SPECC1L: variants seen among roughly 807,000 people sequenced by gnomAD.
SPECC1L encodes the protein cytospin-A.
A neutral mutation model predicts 116.8 loss-of-function variants in SPECC1L; 40 were observed. That is an observed-to-expected ratio of 0.34 (90% CI 0.27 to 0.45). SPECC1L has a LOEUF of 0.45. SPECC1L is among the 20% of genes least tolerant of loss of function. SPECC1L has a pLI of 1.00. For missense variants in SPECC1L, 1,110 were observed against 1,373.6 expected (o/e 0.81, Z 3.03); for synonymous variants, 504 against 500.6 (o/e 1.01, Z -0.09).
intron 14 of SPECC1L, among the ~76,000 whole-genome samples, chr22:24,397,675 A>G (rs904585292): frequency 1.3e-5 from 2 of 152,176 alleles, no homozygotes; most frequent in Non-Finnish European, 2.9e-5. Context: ...ATCCTTTTTT[A>G]TATAAGTTAT....
intron 7 of SPECC1L, among the ~76,000 whole-genome samples, chr22:24,330,005 C>A (rs1313278668): frequency 6.6e-6 from 1 of 152,120 alleles, no homozygotes; most frequent in Non-Finnish European, 1.5e-5. Flanking sequence ...ATCTGTTGAG[C>A]ACTCTGAGTA....
intron 14 of SPECC1L, among the ~76,000 whole-genome samples, chr22:24,406,231 A>G (rs1233753409): frequency 6.6e-6 from 1 of 152,170 alleles, no homozygotes; most frequent in African/African-American, 2.4e-5. Context: ...GGCTGCTCCC[A>G]GGCTCTTCTG....
Position 24,334,568 on chromosome 22 carries a change from C to T in SPECC1L, c.2555C>T (p.Ser852Phe), listed in dbSNP as rs972937290. 1 of 1,614,110 alleles carries T rather than the reference C, an allele frequency of 6.2e-7. No homozygotes were observed. Residue 852 changes from serine (S) to phenylalanine (F), a missense_variant, in exon 9 of 17, where the codon TCT becomes TTT. Coordinates refer to ENST00000314328, the MANE Select transcript of SPECC1L (RefSeq NM_015330.6). ...KTLIKSFDSA[S>F]QVPNPAAAAI... ...CTCATCAAGTCCTTTGACAGTGCAT[C>T]TCAAGGTAATTAATTTCTCCTACAT...
intron 14 of SPECC1L, among the ~76,000 whole-genome samples, chr22:24,370,578 T>G (rs1035298956): frequency 2.0e-5 from 3 of 152,172 alleles, no homozygotes; most frequent in African/African-American, 7.2e-5. Flanking sequence ...TCTGGAAAAT[T>G]CCACTTCTAG....
intron 11 of SPECC1L, among the ~76,000 whole-genome samples, chr22:24,360,250 A>AT (rs2041616963): frequency 6.6e-6 from 1 of 152,258 alleles, no homozygotes; most frequent in Non-Finnish European, 1.5e-5. Context: ...CCTACTTAGT[A>AT]GAGTAGTAAA....
intron 14 of SPECC1L, among the ~76,000 whole-genome samples, chr22:24,373,676 A>C (rs2041914259): frequency 6.6e-6 from 1 of 152,224 alleles, no homozygotes; most frequent in Non-Finnish European, 1.5e-5. Flanking sequence ...AAAACCCTAG[A>C]AGAAAACCTA....
At chr22:24,276,109 T>G (rs1464116656) in intron 1 of SPECC1L, among the ~76,000 whole-genome samples, 1 of 152,032 alleles carries the variant, frequency 6.6e-6, no homozygotes, top group Admixed American at 6.6e-5. Flanking sequence ...GGTGGCAGGC[T>G]GGATGTGGGC....
chr22:24,290,957 T>G (rs574130018), intron 2 of SPECC1L, among the ~76,000 whole-genome samples: 2 of 151,782 alleles, frequency 1.3e-5, no homozygotes, highest in African/African-American at 4.9e-5. Flanking sequence ...TTGTTGATTT[T>G]GCTTCATTTA....
chr22:24,407,409 G>T (rs2042612785), intron 14 of SPECC1L, among the ~76,000 whole-genome samples: 1 of 152,172 alleles, frequency 6.6e-6, no homozygotes, highest in South Asian at 2.1e-4. Context: ...GAAGCGGAGG[G>T]GGAAGGCTGG....
At chr22:24,308,366 CTCTG>C in intron 3 of SPECC1L, among the ~76,000 whole-genome samples, 1 of 152,336 alleles carries the variant, frequency 6.6e-6, no homozygotes, top group South Asian at 2.1e-4. Context: ...TAGTTTCTCA[CTCTG>C]TCTTTTATCA....
intron 14 of SPECC1L, among the ~76,000 whole-genome samples, chr22:24,394,250 C>T (rs1357618948): frequency 6.6e-6 from 1 of 152,158 alleles, no homozygotes. Flanking sequence ...TCTCACAGGC[C>T]TAGAGGCTGG....
At chr22:24,288,915 C>G (rs547134022) in intron 2 of SPECC1L, among the ~76,000 whole-genome samples, 2 of 152,264 alleles carry the variant, frequency 1.3e-5, no homozygotes, top group Admixed American at 1.3e-4. Context: ...TGAGCCATTG[C>G]TCCCAGCCAA....
In SPECC1L at chr22:24,379,808, C is replaced by T. The variant is rs528132120; in HGVS notation, c.3087+10488C>T. The stretch of plus-strand genomic sequence containing the variant: ...CTTCCCTTTAGAAGCAAAGAGGATA[C>T]TGGTTCTTTCATTGCAAGATCTGTA... On this transcript the variant is annotated intron_variant, in intron 14 of 16. Coordinates refer to ENST00000314328, the MANE Select transcript of SPECC1L (RefSeq NM_015330.6). Among the ~76,000 whole-genome samples the T allele has an allele frequency of 4.6e-5, 7 of 152,294 alleles. No individual in the cohort carries two copies. The South Asian group carries it at 1.5e-3, about 32-fold the overall frequency.
chr22:24,344,000 C>T (rs1244572655), intron 10 of SPECC1L, among the ~76,000 whole-genome samples: 1 of 151,820 alleles, frequency 6.6e-6, no homozygotes, highest in East Asian at 1.9e-4. Context: ...AACTCCAGGC[C>T]CAGGTGGTTT....
intron 11 of SPECC1L, among the ~76,000 whole-genome samples, chr22:24,362,957 G>A (rs2041674164): frequency 6.6e-6 from 1 of 152,194 alleles, no homozygotes; most frequent in Non-Finnish European, 1.5e-5. Flanking sequence ...TTGCAGTAGA[G>A]GATCTTTGAA....
At chr22:24,315,709 C>T (rs769028514) in intron 4 of SPECC1L, among the ~76,000 whole-genome samples, 5 of 152,190 alleles carry the variant, frequency 3.3e-5, no homozygotes, top group Admixed American at 6.5e-5. Context: ...TGGCTTTGTA[C>T]GTTTATTTTA....
In SPECC1L at chr22:24,360,555, C is replaced by CT. The variant is rs571207698; in HGVS notation, c.2744-2695dup. ...ATGTATCAGCAATACATTTCATGAA[C>CT]TTTTTTTTTTTGCAATTGTGCTTAT... On this transcript the variant is annotated intron_variant, in intron 11 of 16. Transcript: ENST00000314328. Among the ~76,000 whole-genome samples the CT allele has an allele frequency of 1.5e-3, 215 of 146,290 alleles. 2 individuals carry two copies. The South Asian group carries it at 0.017, about 11-fold the overall frequency.
chr22:24,364,700 C>A (rs2041718070), intron 12 of SPECC1L, among the ~76,000 whole-genome samples: 1 of 150,248 alleles, frequency 6.7e-6, no homozygotes, highest in Admixed American at 6.6e-5. Flanking sequence ...GCTAGCATTG[C>A]ATGTAGCCCT....
chr22:24,385,146 T>C (rs1403382411), intron 14 of SPECC1L, among the ~76,000 whole-genome samples: 1 of 151,922 alleles, frequency 6.6e-6, no homozygotes, highest in African/African-American at 2.4e-5. Flanking sequence ...AATGATCATA[T>C]TTTTAATATA....
Sources: gnomAD v4.1 joint callset for allele counts (sites outside exome capture counted in the v4.1 genomes callset) on GRCh38, gnomAD v4.1.1 for gene constraint, MANE v1.5 for transcripts, NCBI Gene and HGNC (gene_info 2026-07-23, HGNC 2026-07-21) for gene names.